The following PKHD1 variants were observed in gnomAD, a reference collection of about 807,000 sequenced individuals.
PKHD1 encodes the protein fibrocystin.
In PKHD1, 291 loss-of-function variants were observed where a neutral mutation model predicts 412.0. The ratio of observed to expected loss-of-function variants is 0.71; its 90% CI spans 0.64 to 0.78. The LOEUF (loss-of-function observed/expected upper bound fraction) is 0.78. Ranked by LOEUF, PKHD1 falls within the 30% of genes least tolerant of loss-of-function variation. PKHD1 has a pLI of 0.00. For missense variants in PKHD1, 4,825 were observed against 4,950.7 expected (o/e 0.97, Z 0.76); for synonymous variants, 1,777 against 1,821.5 (o/e 0.98, Z 0.62).
At chr6:51,782,743 T>C (rs1792233402) in intron 53 of PKHD1, among the ~76,000 whole-genome samples, 1 of 152,148 alleles carries the variant, frequency 6.6e-6, no homozygotes, top group African/African-American at 2.4e-5. Flanking sequence ...TTTAACTTTG[T>C]ATATTTTTTT....
intron 13 of PKHD1, 72 bp from the exon 14 acceptor site, chr6:52,062,732 A>T (rs1808875812): frequency 1.3e-6 from 2 of 1,589,200 alleles, no homozygotes; most frequent in Admixed American, 3.3e-5. Flanking sequence ...TTTATTTTAA[A>T]TTACAAGGTG....
At chr6:51,692,919 A>G (rs145885744) in intron 60 of PKHD1, among the ~76,000 whole-genome samples, 61 of 152,300 alleles carry the variant, frequency 4.0e-4, no homozygotes, top group Non-Finnish European at 5.4e-4. Context: ...TGACTTAATT[A>G]TAACATTTTT....
intron 36 of PKHD1, among the ~76,000 whole-genome samples, chr6:51,955,179 A>G (rs1401598989): frequency 2.7e-5 from 4 of 150,898 alleles, no homozygotes; most frequent in Non-Finnish European, 5.9e-5. Context: ...TTTGTGTTTA[A>G]CGGTGCCCCT....
At chr6:52,009,810 G>A (rs1483391511) in intron 35 of PKHD1, among the ~76,000 whole-genome samples, 1 of 152,048 alleles carries the variant, frequency 6.6e-6, no homozygotes, top group Middle Eastern at 3.2e-3. Context: ...GAATGACCCT[G>A]AGGTCCTTTT....
intron 64 of PKHD1, among the ~76,000 whole-genome samples, 183 bp downstream of exon 64, chr6:51,638,666 G>T (rs962505688): frequency 6.6e-6 from 1 of 152,072 alleles, no homozygotes; most frequent in African/African-American, 2.4e-5. Flanking sequence ...GTAACCTGAG[G>T]TTTCCATTTC....
intron 21 of PKHD1, among the ~76,000 whole-genome samples, chr6:52,051,180 G>A (rs911012282): frequency 2.6e-5 from 4 of 152,156 alleles, no homozygotes; most frequent in Admixed American, 6.5e-5. Context: ...CCACAGCTCC[G>A]CTGTGTGAAT....
At chr6:51,797,772 G>C (rs1355548745) in intron 52 of PKHD1, among the ~76,000 whole-genome samples, 1 of 152,090 alleles carries the variant, frequency 6.6e-6, no homozygotes, top group Non-Finnish European at 1.5e-5. Flanking sequence ...AAGACTCTAT[G>C]TCTTTTAATT....
chr6:51,798,077 A>G (rs1322687254), intron 52 of PKHD1, among the ~76,000 whole-genome samples: 1 of 152,134 alleles, frequency 6.6e-6, no homozygotes, highest in South Asian at 2.1e-4. Flanking sequence ...GTTTGTCCAG[A>G]TAAGAAATTC....
In PKHD1 at chr6:51,659,427, C is replaced by T. The variant is rs141340895; in HGVS notation, c.10699G>A (p.Val3567Met). 1 of 1,613,684 alleles carries T rather than the reference C, an allele frequency of 6.2e-7. No individual in the cohort carries two copies. The highest frequency in any genetic ancestry group is 8.5e-7 in the Non-Finnish European group (1 of 1,179,848). ...SGVSIHLALT[V>M]MVSVLEKGWE... is the part of the protein sequence containing the mutation. ...CCTTTTTCTAAGACTGAAACCATCA[C>T]AGTGAGGGCCAAGTGAATGGAAACA... is the stretch of plus-strand genomic sequence containing the variant. The change falls in exon 61 of 67, where the codon GTG (valine) becomes ATG (methionine). Residue 3567 changes from valine (V) to methionine (M), a missense_variant. By Grantham distance (21) the Val-to-Met change is conservative (BLOSUM62 1). Transcript: ENST00000371117.
chr6:51,935,222 T>C (rs544840325), intron 36 of PKHD1, among the ~76,000 whole-genome samples: 40 of 152,338 alleles, frequency 2.6e-4, no homozygotes, highest in Non-Finnish European at 4.3e-4. Flanking sequence ...CTGATACATA[T>C]ACCATTTTGC....
intron 43 of PKHD1, among the ~76,000 whole-genome samples, chr6:51,900,646 G>T (rs1781091139): frequency 6.6e-6 from 1 of 152,022 alleles, no homozygotes; most frequent in African/African-American, 2.4e-5. Context: ...AAAAGCAATG[G>T]CAACAAAAGC....
chr6:52,045,234 A>G (rs1253900424), intron 24 of PKHD1, 146 bp from the exon 25 acceptor site: 1 of 800,076 alleles, frequency 1.2e-6, no homozygotes, highest in Non-Finnish European at 2.1e-6. Context: ...ATTGAAATAT[A>G]GAAACGTAAC....
chr6:52,017,481 A>T lies in PKHD1; in HGVS notation c.5529T>A (p.Ser1843Arg). The T allele has an allele frequency of 6.2e-7, 1 of 1,614,160 alleles. No homozygotes were observed. ...SWPYLYICEE[S>R]SQCLFVPDHW... ...GATCTGGCACAAAGAGGCATTGGGA[A>T]CTTTCCTCGCAAATGTAGAGGTAAG... The change falls in exon 34 of 67, where the codon AGT (serine) becomes AGA (arginine). Residue 1843 changes from serine to arginine, a missense_variant. Ser to Arg is a moderately radical substitution (Grantham distance 110). Transcript: ENST00000371117.
At chr6:51,963,559 A>T (rs1792375165) in intron 35 of PKHD1, among the ~76,000 whole-genome samples, 1 of 152,090 alleles carries the variant, frequency 6.6e-6, no homozygotes, top group African/African-American at 2.4e-5. Flanking sequence ...TATCAGTGTA[A>T]TCCATGATTA....
chr6:52,046,503 T>C (rs765788029), intron 23 of PKHD1, among the ~76,000 whole-genome samples: 7 of 152,176 alleles, frequency 4.6e-5, no homozygotes, highest in Admixed American at 6.5e-5. Flanking sequence ...CCACACACCC[T>C]TGTAATGCCT....
chr6:51,752,670 T>A (rs750007520), intron 57 of PKHD1, among the ~76,000 whole-genome samples: 16 of 152,154 alleles, frequency 1.1e-4, no homozygotes, highest in African/African-American at 3.6e-4. Flanking sequence ...GAATAATGTA[T>A]AAGGAACACA....
intron 43 of PKHD1, among the ~76,000 whole-genome samples, chr6:51,897,524 G>C (rs1467632706): frequency 6.8e-6 from 1 of 146,476 alleles, no homozygotes; most frequent in Non-Finnish European, 1.5e-5. Flanking sequence ...CACTAAACAT[G>C]GAATGGAACA....
intron 37 of PKHD1, among the ~76,000 whole-genome samples, chr6:51,917,155 G>A (rs997805923): frequency 2.1e-5 from 3 of 145,628 alleles, no homozygotes; most frequent in Admixed American, 7.0e-5. Context: ...AAATCATTTA[G>A]GGTGGGGGAG....
At chr6:51,870,280 T>C (rs760949912) in intron 47 of PKHD1, among the ~76,000 whole-genome samples, 12 of 152,102 alleles carry the variant, frequency 7.9e-5, no homozygotes, top group Non-Finnish European at 1.8e-4. Flanking sequence ...AGGACCATAA[T>C]GATAGAATGT....
Sources: gnomAD v4.1 joint callset for allele counts (sites outside exome capture counted in the v4.1 genomes callset) on GRCh38, gnomAD v4.1.1 for gene constraint, MANE v1.5 for transcripts, NCBI Gene and HGNC (gene_info 2026-07-23, HGNC 2026-07-21) for gene names.